Variants in EDARADD observed in about 807,000 individuals in gnomAD.
The protein encoded by EDARADD is ectodysplasin-A receptor-associated adapter protein.
EDARADD carries 20 observed loss-of-function variants against 25.6 expected under a neutral mutation model. The observed-to-expected ratio is 0.78, with a 90% CI of 0.55 to 1.14. The LOEUF (loss-of-function observed/expected upper bound fraction) is 1.14. EDARADD is among the 50% of genes most tolerant of loss of function. The probability of loss-of-function intolerance (pLI) is 0.00; values close to 1 mark genes in which losing one functional copy is unlikely to be tolerated. For missense variants in EDARADD, 225 were observed against 270.1 expected (o/e 0.83, Z 1.17); for synonymous variants, 86 against 94.4 (o/e 0.91, Z 0.52).
chr1:236,379,705 G>A (rs893354203), intron 3 of EDARADD, among the ~76,000 whole-genome samples: 5 of 152,006 alleles, frequency 3.3e-5, no homozygotes, highest in Non-Finnish European at 5.9e-5. Flanking sequence ...CTTGAACCCC[G>A]GGGGGTGGAG....
chr1:236,475,678 C>T (rs1233583515), intron 5 of EDARADD, among the ~76,000 whole-genome samples: 2 of 151,822 alleles, frequency 1.3e-5, no homozygotes, highest in Non-Finnish European at 2.9e-5. Flanking sequence ...GTAGGAGAAT[C>T]GCTTGAACCC....
chr1:236,471,229 C>T (rs1330411341), intron 5 of EDARADD, among the ~76,000 whole-genome samples: 1 of 152,198 alleles, frequency 6.6e-6, no homozygotes, highest in Non-Finnish European at 1.5e-5. Context: ...TTAGAGAAAA[C>T]GAAATCATGT....
chr1:236,380,097 T>C (rs569505863), intron 3 of EDARADD, among the ~76,000 whole-genome samples: 1 of 152,338 alleles, frequency 6.6e-6, no homozygotes, highest in Admixed American at 6.5e-5. Flanking sequence ...CATTTCCTTG[T>C]TGCTTTCATT....
At chr1:236,457,046 C>T (rs898807778) in intron 4 of EDARADD, among the ~76,000 whole-genome samples, 7 of 152,148 alleles carry the variant, frequency 4.6e-5, no homozygotes, top group Admixed American at 4.6e-4. Flanking sequence ...TACCCAACCT[C>T]CGCCCTCATT....
intron 4 of EDARADD, among the ~76,000 whole-genome samples, chr1:236,459,700 C>A (rs1658987009): frequency 6.7e-6 from 1 of 148,758 alleles, no homozygotes; most frequent in African/African-American, 2.5e-5. Flanking sequence ...GCAACCTCTG[C>A]CTCCCAGGTT....
upstream of EDARADD, among the ~76,000 whole-genome samples, chr1:236,393,322 T>C (rs1667450362): frequency 6.6e-6 from 1 of 151,978 alleles, no homozygotes; most frequent in African/African-American, 2.4e-5. Flanking sequence ...TTCACATGAC[T>C]CTGAGATTGA....
At chr1:236,406,830 C>A (rs540743626) in intron 1 of EDARADD, among the ~76,000 whole-genome samples, 1 of 152,234 alleles carries the variant, frequency 6.6e-6, no homozygotes, top group African/African-American at 2.4e-5. Flanking sequence ...GCTCCCCAGG[C>A]TGCGAGTGCT....
intron 3 of EDARADD, among the ~76,000 whole-genome samples, chr1:236,363,218 G>A (rs1331579883): frequency 6.6e-6 from 1 of 150,916 alleles, no homozygotes; most frequent in African/African-American, 2.4e-5. Context: ...ATTGATCCAT[G>A]TGTCAATTTT....
intron 3 of EDARADD, among the ~76,000 whole-genome samples, chr1:236,422,598 C>A (rs757592751): frequency 6.6e-6 from 1 of 152,220 alleles, no homozygotes; most frequent in Non-Finnish European, 1.5e-5. Context: ...TGGAAAGCAG[C>A]AACTGTCTGC....
chr1:236,471,758 A>G (rs559309419), intron 5 of EDARADD, among the ~76,000 whole-genome samples: 1 of 152,292 alleles, frequency 6.6e-6, no homozygotes, highest in African/African-American at 2.4e-5. Context: ...CAGTGGAGGG[A>G]AACACTCCCG....
At position 236,483,860 on chromosome 1, in the gene EDARADD, G is replaced by A; in HGVS notation, c.*1211G>A. 4 of 1,406,568 alleles carry A rather than the reference G, an allele frequency of 2.8e-6. No individual in the cohort carries two copies. Among genetic ancestry groups the A allele is most frequent in the Non-Finnish European group, 4.0e-6 (4 of 993,280 alleles). 87.1% of individuals were successfully genotyped at this position (1,406,568 alleles called of 1,614,324 possible). Reference sequence around the variant, plus strand: ...TGGAGCTGCTGAAGACTGCGATTGGGAAAGCTGGCTACACTGATAAGGTGA... The same window carrying A: ...TGGAGCTGCTGAAGACTGCGATTGGAAAAGCTGGCTACACTGATAAGGTGA... On this transcript the variant is annotated 3_prime_UTR_variant, in exon 6 of 6. Coordinates refer to ENST00000334232, the MANE Select transcript of EDARADD (RefSeq NM_145861.4).
chr1:236,394,419 A>G lies in EDARADD; in HGVS notation c.-26A>G. 1 of 1,613,872 alleles carries G rather than the reference A, an allele frequency of 6.2e-7. No individual in the cohort carries two copies. ...CTTCTTCCATGGCAAACTCCAGAGA[A>G]TTAAGAAGCCAAACTCAACATCGCC... On this transcript the variant is annotated 5_prime_UTR_variant, in exon 1 of 6. Coordinates refer to ENST00000334232, the MANE Select transcript of EDARADD (RefSeq NM_145861.4).
chr1:236,348,796 C>T (rs1666880915), exon 2 of EDARADD: 1 of 152,226 alleles, frequency 6.6e-6, no homozygotes, highest in African/African-American at 2.4e-5. Context: ...ACGTGAACCT[C>T]TGTGGAAGGC....
chr1:236,357,088 TAAAAAA>T (rs1666987337), intron 3 of EDARADD, among the ~76,000 whole-genome samples: 2 of 145,292 alleles, frequency 1.4e-5, no homozygotes, highest in Non-Finnish European at 3.0e-5. Context: ...CTGTCTCAAA[TAAAAAA>T]TAAAAAAAAA....
chr1:236,443,242 T>C (rs1017845939), intron 4 of EDARADD, among the ~76,000 whole-genome samples: 2 of 152,202 alleles, frequency 1.3e-5, no homozygotes, highest in African/African-American at 4.8e-5. Flanking sequence ...TATTCTGTTA[T>C]AAGCAACAGA....
At chr1:236,380,442 A>G (rs1667285041) in intron 3 of EDARADD, among the ~76,000 whole-genome samples, 1 of 151,206 alleles carries the variant, frequency 6.6e-6, no homozygotes, top group Non-Finnish European at 1.5e-5. Context: ...AAATGTTTGG[A>G]ACAGATTACT....
intron 3 of EDARADD, among the ~76,000 whole-genome samples, chr1:236,379,084 A>G (rs1357001657): frequency 2.6e-5 from 4 of 152,178 alleles, no homozygotes; most frequent in Non-Finnish European, 5.9e-5. Context: ...AAACAACTAA[A>G]GTCAGTCGGG....
intron 1 of EDARADD, among the ~76,000 whole-genome samples, chr1:236,397,534 A>G (rs684970): frequency 1 from 152,288 of 152,306 alleles, 76,135 homozygotes; most frequent in Middle Eastern, 1. Context: ...AAGGGATTTC[A>G]AAATCCCAGG....
intron 5 of EDARADD, among the ~76,000 whole-genome samples, chr1:236,472,695 A>G (rs1659390564): frequency 6.6e-6 from 1 of 152,138 alleles, no homozygotes; most frequent in Admixed American, 6.5e-5. Context: ...TCATTGTTGC[A>G]TGCTTCTTAC....
Sources: allele counts gnomAD v4.1 joint callset (sites outside exome capture counted in the v4.1 genomes callset), GRCh38; gene constraint gnomAD v4.1.1; transcripts MANE v1.5; gene names NCBI Gene and HGNC (gene_info 2026-07-23, HGNC 2026-07-21).